The following OSBPL1A variants were observed in gnomAD, a reference collection of about 807,000 sequenced individuals.
The protein encoded by OSBPL1A is oxysterol-binding protein-related protein 1.
Under a neutral mutation model 137.1 loss-of-function variants are expected in OSBPL1A, and 80 were observed. That is an observed-to-expected ratio of 0.58 (90% CI 0.49 to 0.70). The LOEUF is 0.70. Ranked by LOEUF, OSBPL1A falls within the 30% of genes least tolerant of loss-of-function variation. The probability of loss-of-function intolerance (pLI) is 0.00; values close to 1 mark genes in which losing one functional copy is unlikely to be tolerated. For synonymous variants in OSBPL1A, 365 were observed against 389.7 expected, an observed-to-expected ratio of 0.94 and a Z score of 0.75; for missense variants, 970 against 1,129.4, an observed-to-expected ratio of 0.86 and a Z score of 2.02.
At chr18:24,165,181 C>G in intron 26 of OSBPL1A, 26 bp from the exon 27 acceptor site, 1 of 1,593,162 alleles carries the variant, frequency 6.3e-7, no homozygotes, top group Non-Finnish European at 8.6e-7. Flanking sequence ...CAACACAAAC[C>G]ATTAACACTC....
At chr18:24,203,514 G>A (rs185939799) in intron 17 of OSBPL1A, among the ~76,000 whole-genome samples, 2 of 152,116 alleles carry the variant, frequency 1.3e-5, no homozygotes, top group Admixed American at 6.5e-5. Flanking sequence ...ACAGACACAG[G>A]TATATCTTTC....
Position 24,271,639 on chromosome 18 carries a change from A to G in OSBPL1A, c.1281+9203T>C, listed in dbSNP as rs1465453154. 1.0e-6 allele frequency: 1 copy of G among 985,044 alleles called. No homozygotes were observed. Among genetic ancestry groups the G allele is most frequent in the East Asian group, 1.1e-4 (1 of 8,782 alleles). The allele number at this position is 985,044 out of a possible 1,614,324, so 61.0% of individuals were successfully genotyped here. A position where few individuals can be genotyped will look rare whatever the true frequency, so the allele number is the denominator to read the frequency against. On this transcript the variant is annotated intron_variant, in intron 15 of 27. Coordinates refer to ENST00000319481, the MANE Select transcript of OSBPL1A (RefSeq NM_080597.4). The surrounding 1 kb of genome is among the most constrained non-coding windows in gnomAD (Gnocchi z 4.0). Reference sequence around the variant, plus strand: ...CCACCTACCTGGGCCAGATCCGAGGACCCCGGCTGGCGCGCTCCACCCTGC... The same window carrying G: ...CCACCTACCTGGGCCAGATCCGAGGGCCCCGGCTGGCGCGCTCCACCCTGC...
chr18:24,251,742 C>A (rs3886490), intron 15 of OSBPL1A, among the ~76,000 whole-genome samples: 48,974 of 151,912 alleles, frequency 0.32, 9,190 homozygotes, highest in Middle Eastern at 0.46. Context: ...GCAGCAGGGG[C>A]CGATCCTGGA....
chr18:24,292,217 C>T (rs2090186797), intron 14 of OSBPL1A, among the ~76,000 whole-genome samples: 1 of 151,928 alleles, frequency 6.6e-6, no homozygotes, highest in Non-Finnish European at 1.5e-5. Flanking sequence ...ACTCACAGAC[C>T]CCCAATGAAA....
intron 15 of OSBPL1A, among the ~76,000 whole-genome samples, chr18:24,265,245 C>T (rs898309776): frequency 7.2e-5 from 11 of 152,156 alleles, no homozygotes; most frequent in African/African-American, 2.2e-4. Flanking sequence ...TTTGGGAGGC[C>T]GAGGTGGGTG....
At position 24,387,082 on chromosome 18, in the gene OSBPL1A, A is replaced by G. The variant is rs140823366; in HGVS notation, c.-2-9547T>C. 3.0e-4 allele frequency among the ~76,000 whole-genome samples: 46 copies of G among 152,228 alleles called. No individual in the cohort carries two copies. In the East Asian group the frequency reaches 8.1e-3, roughly 27 times the overall value. On this transcript the variant is annotated intron_variant, in intron 1 of 27. Transcript: ENST00000319481. ...AAATATGTATTTTTGAAATACATAT[A>G]TAGATATTTCCTGCACTGCTGGAGT...
chr18:24,301,731 C>G (rs531400959), intron 14 of OSBPL1A, among the ~76,000 whole-genome samples: 1 of 152,088 alleles, frequency 6.6e-6, no homozygotes, highest in Non-Finnish European at 1.5e-5. Context: ...ATCAAAATAA[C>G]CTAACCACTG....
chr18:24,268,116 T>C (rs2089627912), intron 15 of OSBPL1A, among the ~76,000 whole-genome samples: 1 of 152,108 alleles, frequency 6.6e-6, no homozygotes, highest in Admixed American at 6.6e-5. Flanking sequence ...CTTTTTTTGT[T>C]GTTTATTTTT....
At chr18:24,232,761 T>G (rs1412680048) in intron 16 of OSBPL1A, among the ~76,000 whole-genome samples, 2 of 152,186 alleles carry the variant, frequency 1.3e-5, no homozygotes, top group African/African-American at 2.4e-5. Flanking sequence ...AAGTCAACAT[T>G]TACTAAGTAC....
intron 12 of OSBPL1A, 57 bp downstream of exon 12, chr18:24,314,192 C>A: frequency 8.5e-7 from 1 of 1,174,476 alleles, no homozygotes; most frequent in Admixed American, 2.3e-5. Flanking sequence ...GTTATATTCT[C>A]CGTGTCTTTA....
In OSBPL1A at chr18:24,207,840, G is replaced by T. The variant is rs930646104; in HGVS notation, c.1602-11640C>A. ...GGCTCACTGCATCCTCTGCCTCCTG[G>T]GTTCAAGCGATTCTCATGCCTCAGC... On this transcript the variant is annotated intron_variant, in intron 17 of 27. Transcript: ENST00000319481. Among the ~76,000 whole-genome samples the T allele has an allele frequency of 2.6e-5, 4 of 152,152 alleles. No individual in the cohort carries two copies. In the South Asian group the frequency reaches 8.3e-4, roughly 32 times the overall value.
intron 19 of OSBPL1A, 33 bp from the exon 20 acceptor site, chr18:24,179,868 T>A: frequency 6.4e-7 from 1 of 1,560,736 alleles, no homozygotes; most frequent in Non-Finnish European, 8.8e-7. Flanking sequence ...AAGTCAAAAA[T>A]AGCCGAGCTC....
intron 1 of OSBPL1A, among the ~76,000 whole-genome samples, chr18:24,397,274 CTCT>C (rs1907819614): frequency 6.6e-6 from 1 of 152,222 alleles, no homozygotes; most frequent in Non-Finnish European, 1.5e-5. Context: ...ATCAATCCTC[CTCT>C]TGTTAGGAGG....
rs549916747 is a variant in OSBPL1A, at chr18:24,288,099, G to A, written c.1175-7151C>T. ...ACATTAAAGAGTGGCTAGTGCTATG[G>A]TAGACAAAGTGCAGGGTGATCTGAA... On this transcript the variant is annotated intron_variant, in intron 14 of 27. Transcript: ENST00000319481. 4.6e-5 allele frequency among the ~76,000 whole-genome samples: 7 copies of A among 152,362 alleles called. No homozygotes were observed. The South Asian group carries it at 1.4e-3, about 32-fold the overall frequency.
At chr18:24,220,067 G>T (rs2087837581) in intron 17 of OSBPL1A, among the ~76,000 whole-genome samples, 1 of 152,062 alleles carries the variant, frequency 6.6e-6, no homozygotes, top group Admixed American at 6.5e-5. Context: ...CGTAATGAGT[G>T]GCCTGCTGGC....
At chr18:24,311,785 G>A (rs1599650129) in intron 13 of OSBPL1A, among the ~76,000 whole-genome samples, 199 bp downstream of exon 13, 1 of 152,300 alleles carries the variant, frequency 6.6e-6, no homozygotes, top group East Asian at 1.9e-4. Context: ...TCTCATCAGA[G>A]CATATCTACA....
intron 26 of OSBPL1A, among the ~76,000 whole-genome samples, chr18:24,165,519 T>G (rs1333899800): frequency 6.6e-6 from 1 of 152,224 alleles, no homozygotes; most frequent in Non-Finnish European, 1.5e-5. Flanking sequence ...TCACGGAGCT[T>G]CTTCAGATGC....
chr18:24,250,955 A>G (rs2089070193), intron 15 of OSBPL1A, among the ~76,000 whole-genome samples: 1 of 152,196 alleles, frequency 6.6e-6, no homozygotes, highest in South Asian at 2.1e-4. Flanking sequence ...AGTGAACATC[A>G]GCAGTGGCCT....
At chr18:24,361,453 T>C (rs1040649814) in intron 4 of OSBPL1A, among the ~76,000 whole-genome samples, 1 of 152,236 alleles carries the variant, frequency 6.6e-6, no homozygotes, top group African/African-American at 2.4e-5. Context: ...AAATCTATCA[T>C]TGACATTAAG....
Sources: allele counts gnomAD v4.1 joint callset (sites outside exome capture counted in the v4.1 genomes callset), GRCh38; gene constraint gnomAD v4.1.1; non-coding constraint Gnocchi (gnomAD v3.1); transcripts MANE v1.5; gene names NCBI Gene and HGNC (gene_info 2026-07-23, HGNC 2026-07-21).